Variants in PTPRD observed in about 807,000 individuals in gnomAD.
The protein encoded by PTPRD is receptor-type tyrosine-protein phosphatase delta.
In PTPRD, 34 loss-of-function variants were observed where a neutral mutation model predicts 214.5. The ratio of observed to expected loss-of-function variants is 0.16; its 90% confidence interval spans 0.12 to 0.21. The LOEUF is 0.21. PTPRD is among the 10% of genes least tolerant of loss of function. The pLI, the probability that PTPRD is intolerant of heterozygous loss-of-function variation, is 1.00. For missense variants in PTPRD, 2,545 were observed against 2,398.7 expected (o/e 1.06, Z -1.27); for synonymous variants, 1,128 against 845.7 (o/e 1.33, Z -5.79).
At chr9:10,501,228 C>T (rs1400431291) in intron 2 of PTPRD, among the ~76,000 whole-genome samples, 1 of 151,962 alleles carries the variant, frequency 6.6e-6, no homozygotes. Context: ...GGGATAAAAG[C>T]CATTTTAACT....
At chr9:9,888,137 C>G (rs951559522) in intron 5 of PTPRD, among the ~76,000 whole-genome samples, 1 of 152,120 alleles carries the variant, frequency 6.6e-6, no homozygotes, top group Non-Finnish European at 1.5e-5. Context: ...AATCTCTCAC[C>G]AGTTCTTCAC....
intron 23 of PTPRD, among the ~76,000 whole-genome samples, 154 bp from the exon 24 acceptor site, chr9:8,501,213 A>G (rs2097398312): frequency 6.6e-6 from 1 of 152,248 alleles, no homozygotes; most frequent in African/African-American, 2.4e-5. Context: ...CTAATGACAA[A>G]TTATGTACCT....
At chr9:8,749,944 A>C (rs1423933079) in intron 11 of PTPRD, among the ~76,000 whole-genome samples, 2 of 151,928 alleles carry the variant, frequency 1.3e-5, no homozygotes, top group African/African-American at 2.4e-5. Context: ...TCTCCTAAAA[A>C]TACAAAAAAT....
At chr9:10,111,237 T>C (rs2098688803) in intron 3 of PTPRD, among the ~76,000 whole-genome samples, 3 of 127,848 alleles carry the variant, frequency 2.3e-5, no homozygotes, top group Non-Finnish European at 4.9e-5. Flanking sequence ...TTCTTTTTTT[T>C]TTTTTTTTTT....
chr9:10,196,248 T>A (rs2099397607), intron 3 of PTPRD, among the ~76,000 whole-genome samples: 1 of 152,190 alleles, frequency 6.6e-6, no homozygotes, highest in African/African-American at 2.4e-5. Context: ...CTCTGAGTTT[T>A]GTAAACCCAG....
chr9:8,937,450 C>T (rs904774176), intron 11 of PTPRD, among the ~76,000 whole-genome samples: 1 of 152,146 alleles, frequency 6.6e-6, no homozygotes, highest in African/African-American at 2.4e-5. Flanking sequence ...CTCTAGTTCA[C>T]CCAGAAAGAA....
At chr9:10,509,746 A>T (rs1210287833) in intron 2 of PTPRD, among the ~76,000 whole-genome samples, 1 of 151,276 alleles carries the variant, frequency 6.6e-6, no homozygotes, top group African/African-American at 2.4e-5. Flanking sequence ...CAAAACCAAG[A>T]TCTGGATGCT....
chr9:9,275,258 G>A (rs1432480422), intron 9 of PTPRD, among the ~76,000 whole-genome samples: 11 of 125,308 alleles, frequency 8.8e-5, no homozygotes, highest in Admixed American at 6.5e-4. Flanking sequence ...AATTGGGAAA[G>A]TATCTATCTG....
At chr9:10,141,832 C>G (rs2070965814) in intron 3 of PTPRD, among the ~76,000 whole-genome samples, 1 of 152,234 alleles carries the variant, frequency 6.6e-6, no homozygotes, top group South Asian at 2.1e-4. Context: ...GGAGGCATCA[C>G]ACTACCTGAC....
chr9:9,145,357 G>A (rs1021922764), intron 10 of PTPRD, among the ~76,000 whole-genome samples: 1 of 151,844 alleles, frequency 6.6e-6, no homozygotes, highest in Admixed American at 6.6e-5. Context: ...TTTGATTATT[G>A]CTTATAATTA....
At chr9:9,797,715 A>G (rs755044063) in intron 5 of PTPRD, among the ~76,000 whole-genome samples, 10 of 151,282 alleles carry the variant, frequency 6.6e-5, no homozygotes, top group Non-Finnish European at 1.5e-4. Flanking sequence ...GACTTGTGGC[A>G]GGCACCTGTA....
At chr9:8,477,312 C>T (rs2096785107) in intron 30 of PTPRD, among the ~76,000 whole-genome samples, 1 of 152,074 alleles carries the variant, frequency 6.6e-6, no homozygotes, top group African/African-American at 2.4e-5. Context: ...AAGCCCTTGA[C>T]TACTTATAAA....
chr9:10,538,815 A>G lies in PTPRD; in HGVS notation c.-600+73583T>C, dbSNP rs138427037. 4.2e-3 allele frequency among the ~76,000 whole-genome samples: 639 copies of G among 152,286 alleles called. 5 individuals are homozygous for G. The highest frequency in any genetic ancestry group is 0.014 in the African/African-American group (599 of 41,560). On this transcript the variant is annotated intron_variant, in intron 2 of 45. Transcript: ENST00000381196. ...TATGTTTTGAGTATACAGATCTTAT[A>G]ATTGAAAACCCTGATAAATATCTTG...
At chr9:9,417,500 G>A (rs577324951) in intron 8 of PTPRD, among the ~76,000 whole-genome samples, 1 of 152,124 alleles carries the variant, frequency 6.6e-6, no homozygotes, top group East Asian at 1.9e-4. Flanking sequence ...GGACAATTTT[G>A]CTTTGATGCC....
rs747517194 is a variant in PTPRD at position 8,341,184 on chromosome 9, T to C, written c.5032A>G (p.Ile1678Val). ...ACCCTTGTGGATTCATATGGCATAA[T>C]ATTAACAAGGCGATTTTTGAATTTA... ...CNKFKNRLVN[I>V]MPYESTRVCL... Residue 1678 changes from isoleucine to valine, a missense_variant, in exon 41 of 46, where the codon ATT becomes GTT. By Grantham distance (29) the Ile-to-Val change is conservative (BLOSUM62 3). Transcript: ENST00000381196. 105 of 1,612,932 alleles carry C rather than the reference T, an allele frequency of 6.5e-5. No homozygotes were observed. The highest frequency in any genetic ancestry group is 8.7e-5 in the Non-Finnish European group (103 of 1,179,464).
intron 14 of PTPRD, among the ~76,000 whole-genome samples, chr9:8,566,688 A>G (rs1350887870): frequency 6.6e-6 from 1 of 152,182 alleles, no homozygotes; most frequent in Admixed American, 6.5e-5. Flanking sequence ...TACGTTAGAC[A>G]CTCATGATTA....
At chr9:10,318,823 T>C (rs1484477846) in intron 3 of PTPRD, among the ~76,000 whole-genome samples, 1 of 152,028 alleles carries the variant, frequency 6.6e-6, no homozygotes, top group African/African-American at 2.4e-5. Context: ...CAGATTAAAT[T>C]TGGTAGTTAA....
intron 35 of PTPRD, among the ~76,000 whole-genome samples, chr9:8,431,366 A>C (rs1474275749): frequency 6.6e-6 from 1 of 152,126 alleles, no homozygotes; most frequent in African/African-American, 2.4e-5. Flanking sequence ...AGCTCCAGAG[A>C]AGATATCAGG....
intron 38 of PTPRD, 116 bp from the exon 39 acceptor site, chr9:8,376,206 G>T (rs140587040): frequency 1.2e-5 from 14 of 1,194,144 alleles, no homozygotes; most frequent in Non-Finnish European, 1.6e-5. Flanking sequence ...CTACCACCCT[G>T]TAGCCTTTGG....
Sources: gnomAD v4.1 joint callset for allele counts (sites outside exome capture counted in the v4.1 genomes callset) on GRCh38, gnomAD v4.1.1 for gene constraint, MANE v1.5 for transcripts, NCBI Gene and HGNC (gene_info 2026-07-23, HGNC 2026-07-21) for gene names.